ANKRD44: variants seen among roughly 807,000 people sequenced by gnomAD.
The protein encoded by ANKRD44 is serine/threonine-protein phosphatase 6 regulatory ankyrin repeat subunit B.
ANKRD44 carries 35 observed loss-of-function variants against 116.0 expected under a neutral mutation model. That is an observed-to-expected ratio of 0.30 (90% confidence interval 0.23 to 0.40). The LOEUF (loss-of-function observed/expected upper bound fraction) is 0.40. Ranked by LOEUF, ANKRD44 falls within the 10% of genes least tolerant of loss-of-function variation. The pLI is 1.00. For missense variants in ANKRD44, 1,014 were observed against 1,242.6 expected, an observed-to-expected ratio of 0.82 and a Z score of 2.77; for synonymous variants, 435 against 461.8, an observed-to-expected ratio of 0.94 and a Z score of 0.74.
intron 16 of ANKRD44, among the ~76,000 whole-genome samples, chr2:197,036,161 A>G (rs1351381281): frequency 6.6e-6 from 1 of 152,216 alleles, no homozygotes; most frequent in Non-Finnish European, 1.5e-5. Flanking sequence ...GAATGTATGT[A>G]TGAATCAAAC....
At chr2:197,031,799 A>T (rs1374743482) in intron 16 of ANKRD44, among the ~76,000 whole-genome samples, 41 of 152,212 alleles carry the variant, frequency 2.7e-4, no homozygotes, top group Admixed American at 2.7e-3. Context: ...GTGTGAAAAC[A>T]GAATCTGGAA....
chr2:197,099,363 T>G (rs2078237132), intron 10 of ANKRD44: 1 of 254,310 alleles, frequency 3.9e-6, no homozygotes. Flanking sequence ...TATGTATTTT[T>G]GTGGAATTGA....
At chr2:197,062,032 C>A (rs761499240) in intron 16 of ANKRD44, among the ~76,000 whole-genome samples, 6 of 152,172 alleles carry the variant, frequency 3.9e-5, no homozygotes, top group Non-Finnish European at 7.4e-5. Flanking sequence ...CCACCCGCCT[C>A]GGCCTCCCAA....
intron 2 of ANKRD44, among the ~76,000 whole-genome samples, chr2:197,160,587 G>A (rs893477000): frequency 6.6e-6 from 1 of 151,962 alleles, no homozygotes; most frequent in Non-Finnish European, 1.5e-5. Context: ...TCTAGAGTCG[G>A]GCCTTCCATT....
intron 8 of ANKRD44, among the ~76,000 whole-genome samples, chr2:197,113,640 G>A (rs1351594130): frequency 6.6e-6 from 1 of 152,220 alleles, no homozygotes; most frequent in East Asian, 1.9e-4. Flanking sequence ...AAGCAGAAGT[G>A]ATCTCTGAAG....
chr2:197,054,160 T>G (rs541907869), intron 16 of ANKRD44, among the ~76,000 whole-genome samples: 1 of 152,234 alleles, frequency 6.6e-6, no homozygotes, highest in Non-Finnish European at 1.5e-5. Flanking sequence ...TAAACTTATA[T>G]GTAATGTAAA....
At chr2:197,155,972 A>G (rs1298641326) in intron 2 of ANKRD44, among the ~76,000 whole-genome samples, 1 of 152,246 alleles carries the variant, frequency 6.6e-6, no homozygotes, top group African/African-American at 2.4e-5. Context: ...TATGAAAGCA[A>G]ACAATCCAAT....
Position 196,986,829 on chromosome 2 carries a change from C to T in ANKRD44, c.*2762G>A. On this transcript the variant is annotated 3_prime_UTR_variant, in exon 28 of 28. Coordinates refer to ENST00000282272, the MANE Select transcript of ANKRD44 (RefSeq NM_001195144.2). ...GATTGTTTCAAAGTCATTCACTGAACTAAAAGTCATTTTCCCCATTTTTAC... is the reference window on the plus strand; with the variant it reads ...GATTGTTTCAAAGTCATTCACTGAATTAAAAGTCATTTTCCCCATTTTTAC... 2 of 985,406 alleles carry T rather than the reference C, an allele frequency of 2.0e-6. No homozygotes were observed. Among genetic ancestry groups the T allele is most frequent in the Non-Finnish European group, 2.4e-6 (2 of 829,906 alleles). The allele number at this position is 985,406 out of a possible 1,614,324, so 61.0% of individuals were successfully genotyped here.
chr2:197,216,869 A>AACACACACACACACACAC lies in ANKRD44; in HGVS notation c.28-29781_28-29764dup, dbSNP rs61641385. Among the ~76,000 whole-genome samples the AACACACACACACACACAC allele has an allele frequency of 5.5e-3, 762 of 139,812 alleles. 10 individuals carry two copies. Among genetic ancestry groups the AACACACACACACACACAC allele is most frequent in the African/African-American group, 0.018 (653 of 36,162 alleles). 91.7% of individuals were successfully genotyped at this position (139,812 alleles called of 152,430 possible). On this transcript the variant is annotated intron_variant, in intron 1 of 27. Transcript: ENST00000282272. ...GCTTTGTCAGCAAGCACATTGGTTA[A>AACACACACACACACACAC]ACACACACACACACACACACACACA...
At chr2:197,177,582 T>TTG (rs939993622) in intron 2 of ANKRD44, among the ~76,000 whole-genome samples, 1 of 152,050 alleles carries the variant, frequency 6.6e-6, no homozygotes, top group African/African-American at 2.4e-5. Flanking sequence ...TCTCGTGAGT[T>TTG]TGTGTGTGTG....
At chr2:197,240,502 T>C (rs956945760) in intron 1 of ANKRD44, among the ~76,000 whole-genome samples, 11 of 151,360 alleles carry the variant, frequency 7.3e-5, no homozygotes, top group Non-Finnish European at 1.5e-5. Flanking sequence ...GGAAGCAAGA[T>C]GGAAATCCCT....
At chr2:197,041,410 T>C (rs958505703) in intron 16 of ANKRD44, among the ~76,000 whole-genome samples, 2 of 152,168 alleles carry the variant, frequency 1.3e-5, no homozygotes, top group Non-Finnish European at 2.9e-5. Flanking sequence ...CCTGGGCATC[T>C]GTCTCTCTCT....
At chr2:197,050,518 G>A (rs1260135634) in intron 16 of ANKRD44, among the ~76,000 whole-genome samples, 1 of 151,810 alleles carries the variant, frequency 6.6e-6, no homozygotes, top group Non-Finnish European at 1.5e-5. Flanking sequence ...CACCTCCTGG[G>A]TTCAAGCAAT....
chr2:197,047,267 G>A (rs1440996252), intron 16 of ANKRD44, among the ~76,000 whole-genome samples: 3 of 152,016 alleles, frequency 2.0e-5, no homozygotes, highest in Admixed American at 6.6e-5. Flanking sequence ...TGATCCACCC[G>A]CCTCGGCCTC....
At chr2:197,050,969 C>CTT (rs11428405) in intron 16 of ANKRD44, among the ~76,000 whole-genome samples, 4,842 of 134,854 alleles carry the variant, frequency 0.036, 169 homozygotes, top group African/African-American at 0.068. Flanking sequence ...GTCTCCCTTA[C>CTT]TTTTTTTTTT....
At chr2:197,084,052 A>C (rs1001835714) in intron 13 of ANKRD44, among the ~76,000 whole-genome samples, 1 of 152,036 alleles carries the variant, frequency 6.6e-6, no homozygotes. Context: ...TAAATGAAGA[A>C]TTTTTTTTAA....
chr2:197,199,001 C>G (rs2081032284), intron 1 of ANKRD44: 1 of 152,152 alleles, frequency 6.6e-6, no homozygotes. Flanking sequence ...TTTGCTCTTC[C>G]ACCTATGCAA....
intron 13 of ANKRD44, 119 bp downstream of exon 13, chr2:197,086,561 G>A (rs1375403825): frequency 1.1e-6 from 1 of 881,694 alleles, no homozygotes; most frequent in African/African-American, 1.7e-5. Flanking sequence ...CTTCCGAGGA[G>A]GATGGAATCC....
At chr2:197,216,030 C>T (rs538057389) in intron 1 of ANKRD44, among the ~76,000 whole-genome samples, 4 of 152,260 alleles carry the variant, frequency 2.6e-5, no homozygotes, top group East Asian at 3.9e-4. Flanking sequence ...TCAAACCAAT[C>T]GGGGTTCAAG....
Sources: gnomAD v4.1 joint callset for allele counts (sites outside exome capture counted in the v4.1 genomes callset) on GRCh38, gnomAD v4.1.1 for gene constraint, MANE v1.5 for transcripts, NCBI Gene and HGNC (gene_info 2026-07-23, HGNC 2026-07-21) for gene names.